Variants in MACO1 observed in about 807,000 individuals in gnomAD.
MACO1 encodes the protein macoilin.
In MACO1, 14 loss-of-function variants were observed where a neutral mutation model predicts 78.7. The ratio of observed to expected loss-of-function variants is 0.18; its 90% confidence interval spans 0.12 to 0.28. The LOEUF (loss-of-function observed/expected upper bound fraction) is 0.28, where lower values mean the gene tolerates loss of function less well. Among genes scored for constraint, MACO1 ranks in the 10% least tolerant of loss-of-function variants. The pLI is 1.00. For synonymous variants in MACO1, 288 were observed against 291.6 expected, an observed-to-expected ratio of 0.99 and a Z score of 0.12; for missense variants, 501 against 799.0, an observed-to-expected ratio of 0.63 and a Z score of 4.50.
chr1:25,488,202 C>A (rs2043452115), intron 8 of MACO1, among the ~76,000 whole-genome samples: 1 of 152,136 alleles, frequency 6.6e-6, no homozygotes. Context: ...CAGGCATGTG[C>A]TACTATGCCC....
chr1:25,463,775 TTTG>T (rs2043191765), intron 6 of MACO1, among the ~76,000 whole-genome samples: 1 of 152,202 alleles, frequency 6.6e-6, no homozygotes, highest in African/African-American at 2.4e-5. Flanking sequence ...CTGTTAAAAT[TTTG>T]TTGTCTTCTC....
intron 6 of MACO1, among the ~76,000 whole-genome samples, chr1:25,462,814 C>T (rs2043183537): frequency 3.5e-5 from 2 of 56,700 alleles, no homozygotes; most frequent in African/African-American, 4.0e-5. Context: ...GCAGGTCTTT[C>T]TCAAGCTCTC....
At chr1:25,481,541 A>G (rs928859292) in intron 6 of MACO1, among the ~76,000 whole-genome samples, 1 of 152,170 alleles carries the variant, frequency 6.6e-6, no homozygotes, top group African/African-American at 2.4e-5. Context: ...TGAAAATGCA[A>G]TCCTCAGACT....
At chr1:25,484,402 A>C in intron 7 of MACO1, 128 bp downstream of exon 7, 1 of 931,258 alleles carries the variant, frequency 1.1e-6, no homozygotes, top group Non-Finnish European at 1.5e-6. Flanking sequence ...AAAATGTTTA[A>C]AATACTTTAT....
At chr1:25,482,442 C>T (rs147357703) in intron 6 of MACO1, among the ~76,000 whole-genome samples, 18 of 152,302 alleles carry the variant, frequency 1.2e-4, no homozygotes, top group Admixed American at 3.3e-4. Context: ...TTCCTACTCT[C>T]TCCCCAGTAC....
At chr1:25,476,608 A>G (rs2043323502) in intron 6 of MACO1, among the ~76,000 whole-genome samples, 1 of 152,194 alleles carries the variant, frequency 6.6e-6, no homozygotes, top group Admixed American at 6.5e-5. Flanking sequence ...ATAGAGGGTA[A>G]TCAGTATTTC....
rs2043558673 is a variant in MACO1, at chr1:25,498,621, T to C, written c.*155T>C. The C allele has an allele frequency of 2.9e-6, 2 of 693,538 alleles. No individual in the cohort carries two copies. Among genetic ancestry groups the C allele is most frequent in the Non-Finnish European group, 4.6e-6 (2 of 430,126 alleles). The allele number at this position is 693,538 out of a possible 1,614,324, so 43.0% of individuals were successfully genotyped here. On this transcript the variant is annotated 3_prime_UTR_variant, in exon 11 of 11. Coordinates refer to ENST00000374343, the MANE Select transcript of MACO1 (RefSeq NM_018202.6). ...AAGGGGGGAAAAGATAACATCCAAGTCTGATTAGAACTGCCCATCAGTTTT... is the reference window on the plus strand; with the variant it reads ...AAGGGGGGAAAAGATAACATCCAAGCCTGATTAGAACTGCCCATCAGTTTT...
intron 6 of MACO1, among the ~76,000 whole-genome samples, chr1:25,468,102 GA>G (rs1368851096): frequency 1.3e-5 from 2 of 149,732 alleles, no homozygotes; most frequent in African/African-American, 2.6e-5. Flanking sequence ...TAGAATTTCA[GA>G]TTTTTTTTTT....
Position 25,485,288 on chromosome 1 carries a change from T to C in MACO1, c.1314-325T>C, listed in dbSNP as rs909249977. On this transcript the variant is annotated intron_variant, in intron 7 of 10. Transcript: ENST00000374343. The surrounding 1 kb of genome is among the most constrained non-coding windows in gnomAD (Gnocchi z 4.3). ...AGTTCTTTCAGGGTGCTCTGGAACATTAGAATTAGTTCTACAATTATCTTC... is the reference window on the plus strand; with the variant it reads ...AGTTCTTTCAGGGTGCTCTGGAACACTAGAATTAGTTCTACAATTATCTTC... Among the ~76,000 whole-genome samples the C allele has an allele frequency of 4.6e-5, 7 of 152,198 alleles. 1 individual carries two copies. Among genetic ancestry groups the C allele is most frequent in the South Asian group, 4.1e-4 (2 of 4,828 alleles).
chr1:25,485,052 A>G lies in MACO1; in HGVS notation c.1314-561A>G, dbSNP rs1383080282. Among the ~76,000 whole-genome samples, 1 of 152,218 alleles carries G rather than the reference A, an allele frequency of 6.6e-6. No individual in the cohort carries two copies. Among genetic ancestry groups the G allele is most frequent in the African/African-American group, 2.4e-5 (1 of 41,456 alleles). On this transcript the variant is annotated intron_variant, in intron 7 of 10. Coordinates refer to ENST00000374343, the MANE Select transcript of MACO1 (RefSeq NM_018202.6). This position sits in a 1 kb window ranked among gnomAD's most constrained non-coding sequence, Gnocchi z 4.3. Reference sequence around the variant, plus strand: ...AGCTGGGGGTGGTAGTAAGCAGGAAATATGGCTGAAATTTCTATCTGAAAT... The same window carrying G: ...AGCTGGGGGTGGTAGTAAGCAGGAAGTATGGCTGAAATTTCTATCTGAAAT...
intron 1 of MACO1, among the ~76,000 whole-genome samples, chr1:25,439,701 G>C (rs966940368): frequency 8.3e-6 from 1 of 121,132 alleles, no homozygotes; most frequent in African/African-American, 2.9e-5. Context: ...AAATTTTTTT[G>C]TCTCTGGATC....
chr1:25,457,622 A>C (rs1318736961), intron 5 of MACO1, among the ~76,000 whole-genome samples: 1 of 152,206 alleles, frequency 6.6e-6, no homozygotes, highest in Non-Finnish European at 1.5e-5. Context: ...GCAGATTTTA[A>C]ATTGAACCAT....
rs558793265 is a variant in MACO1, at chr1:25,490,145, G to GA, written c.1617+858dup. Among the ~76,000 whole-genome samples, 1,062 of 148,244 alleles carry GA rather than the reference G, an allele frequency of 7.2e-3. 10 individuals carry two copies. The highest frequency in any genetic ancestry group is 0.023 in the African/African-American group (949 of 41,376). On this transcript the variant is annotated intron_variant, in intron 9 of 10. Transcript: ENST00000374343. Reference sequence around the variant, plus strand: ...GATTTTCTAAACATACAAGCAATGGGAAAAAATCACAAAGCAAAAATCATA... The same window carrying GA: ...GATTTTCTAAACATACAAGCAATGGGAAAAAAATCACAAAGCAAAAATCATA...
In MACO1 at chr1:25,485,467, C is replaced by T. The variant is rs2043421350; in HGVS notation, c.1314-146C>T. On this transcript the variant is annotated intron_variant, in intron 7 of 10. Coordinates refer to ENST00000374343, the MANE Select transcript of MACO1 (RefSeq NM_018202.6). The surrounding 1 kb of genome is among the most constrained non-coding windows in gnomAD (Gnocchi z 4.3). ...TATTAAAGAATAACAGTGTGTTTTC[C>T]TCAGGCATTCTGGGCATTGACATTT... 9 of 750,440 alleles carry T rather than the reference C, an allele frequency of 1.2e-5. 1 individual carries two copies. In the South Asian group the frequency reaches 1.8e-4, roughly 15 times the overall value. The allele number at this position is 750,440 out of a possible 1,614,324, so 46.5% of individuals were successfully genotyped here.
chr1:25,481,376 T>A (rs1011193119), intron 6 of MACO1, among the ~76,000 whole-genome samples: 1 of 152,168 alleles, frequency 6.6e-6, no homozygotes, highest in Non-Finnish European at 1.5e-5. Context: ...TTTAGAGTTA[T>A]CAGCCGTAGA....
intron 5 of MACO1, 108 bp downstream of exon 5, chr1:25,456,939 T>A: frequency 8.6e-7 from 1 of 1,160,848 alleles, no homozygotes; most frequent in Non-Finnish European, 1.2e-6. Context: ...TTTTTCTGTC[T>A]AATGGTGTTC....
At chr1:25,445,712 T>C (rs1258465014) in intron 1 of MACO1, among the ~76,000 whole-genome samples, 1 of 152,216 alleles carries the variant, frequency 6.6e-6, no homozygotes, top group Non-Finnish European at 1.5e-5. Flanking sequence ...TTTTTTTAAA[T>C]GACTAATTTG....
At chr1:25,447,571 CTT>C (rs921189567) in intron 2 of MACO1, among the ~76,000 whole-genome samples, 1 of 152,198 alleles carries the variant, frequency 6.6e-6, no homozygotes, top group African/African-American at 2.4e-5. Flanking sequence ...TTGTAAATCT[CTT>C]TAATATTTGG....
chr1:25,498,183 T>A lies in MACO1; in HGVS notation c.1793-81T>A. 3 of 1,445,122 alleles carry A rather than the reference T, an allele frequency of 2.1e-6. No individual in the cohort carries two copies. The South Asian group carries it at 3.7e-5, about 18-fold the overall frequency. 89.5% of individuals were successfully genotyped at this position (1,445,122 alleles called of 1,614,324 possible). A position where few individuals can be genotyped will look rare whatever the true frequency, so the allele number is the denominator to read the frequency against. On this transcript the variant is annotated intron_variant, in intron 10 of 10. Transcript: ENST00000374343. ...CTGGAGCTGTTCACACTGAACCGAA[T>A]CTACTTAGGGATTGGCCCCTGGGGA... is the stretch of plus-strand genomic sequence containing the variant.
Sources: allele counts gnomAD v4.1 joint callset (sites outside exome capture counted in the v4.1 genomes callset), GRCh38; gene constraint gnomAD v4.1.1; non-coding constraint Gnocchi (gnomAD v3.1); transcripts MANE v1.5; gene names NCBI Gene and HGNC (gene_info 2026-07-23, HGNC 2026-07-21).